TTC28: variants seen among roughly 807,000 people sequenced by gnomAD.
TTC28 encodes the protein tetratricopeptide repeat protein 28.
Under a neutral mutation model 198.0 loss-of-function variants are expected in TTC28, and 61 were observed. The ratio of observed to expected loss-of-function variants is 0.31; its 90% confidence interval spans 0.25 to 0.38. The LOEUF (loss-of-function observed/expected upper bound fraction) is 0.38, where lower values mean the gene tolerates loss of function less well. TTC28 is among the 10% of genes least tolerant of loss of function. The pLI is 1.00. For synonymous variants in TTC28, 1,171 were observed against 1,297.8 expected (o/e 0.90, Z 2.10); for missense variants, 2,678 against 3,164.0 (o/e 0.85, Z 3.69).
intron 2 of TTC28, among the ~76,000 whole-genome samples, chr22:28,472,552 ATGTGTGTGTGTGTGTG>A (rs3053555): frequency 2.6e-5 from 3 of 114,724 alleles, no homozygotes; most frequent in South Asian, 3.0e-4. Context: ...GAAAATGTGT[ATGTGTGTGTGTGTGTG>A]TGTGTGTGTG....
At chr22:28,634,938 C>A (rs1245035436) in intron 1 of TTC28, among the ~76,000 whole-genome samples, 3 of 152,102 alleles carry the variant, frequency 2.0e-5, no homozygotes, top group African/African-American at 7.2e-5. Flanking sequence ...AGAAAAAAGA[C>A]CTTTGCATGT....
chr22:28,629,302 C>G (rs2051130626), intron 2 of TTC28: 2 of 450,096 alleles, frequency 4.4e-6, no homozygotes, highest in African/African-American at 2.0e-5. Flanking sequence ...TCAAGCGGCA[C>G]AGATAAAAAA....
intron 2 of TTC28, among the ~76,000 whole-genome samples, chr22:28,344,894 C>A (rs2045882602): frequency 6.6e-6 from 1 of 152,136 alleles, no homozygotes; most frequent in Non-Finnish European, 1.5e-5. Flanking sequence ...ACATATCAGA[C>A]ATTTTACATA....
intron 2 of TTC28, among the ~76,000 whole-genome samples, chr22:28,611,505 A>AT (rs59329098): frequency 3.5e-3 from 282 of 81,580 alleles, no homozygotes; most frequent in Non-Finnish European, 4.6e-3. Flanking sequence ...CTTTTTTTTA[A>AT]TTTTTTTTTT....
At chr22:28,361,623 T>C (rs1485535320) in intron 2 of TTC28, among the ~76,000 whole-genome samples, 1 of 152,112 alleles carries the variant, frequency 6.6e-6, no homozygotes, top group Non-Finnish European at 1.5e-5. Context: ...ATCCAGAAGA[T>C]CTAGTTAAGA....
intron 2 of TTC28, among the ~76,000 whole-genome samples, chr22:28,585,978 A>AG (rs2050310124): frequency 7.0e-6 from 1 of 142,686 alleles, no homozygotes; most frequent in Non-Finnish European, 1.5e-5. Flanking sequence ...AGGTACAATT[A>AG]AAAAAAAAAA....
At chr22:28,079,026 G>A (rs1459043176) in intron 12 of TTC28, among the ~76,000 whole-genome samples, 1 of 152,178 alleles carries the variant, frequency 6.6e-6, no homozygotes, top group African/African-American at 2.4e-5. Context: ...TGCTGTTGAA[G>A]GGTGGGCAGA....
At chr22:28,617,283 T>G (rs1307717749) in intron 2 of TTC28, among the ~76,000 whole-genome samples, 2 of 151,544 alleles carry the variant, frequency 1.3e-5, no homozygotes, top group Non-Finnish European at 2.9e-5. Flanking sequence ...GGAGGATCAC[T>G]TGAGCCCCAG....
chr22:27,992,007 C>A (rs972501996), intron 19 of TTC28, among the ~76,000 whole-genome samples: 1 of 151,558 alleles, frequency 6.6e-6, no homozygotes, highest in African/African-American at 2.5e-5. Context: ...TGCAGCCATC[C>A]TGGTGGGCTG....
intron 6 of TTC28, among the ~76,000 whole-genome samples, chr22:28,156,713 G>A (rs1943756205): frequency 6.6e-6 from 1 of 152,198 alleles, no homozygotes; most frequent in African/African-American, 2.4e-5. Context: ...GCTCAGGCAG[G>A]AAAGAAGTCA....
At chr22:28,274,066 T>A (rs181820231) in intron 5 of TTC28, among the ~76,000 whole-genome samples, 1 of 152,192 alleles carries the variant, frequency 6.6e-6, no homozygotes, top group Non-Finnish European at 1.5e-5. Context: ...ATATACTATA[T>A]GAAACCATTT....
At chr22:28,567,216 G>C (rs1004392454) in intron 2 of TTC28, among the ~76,000 whole-genome samples, 2 of 127,954 alleles carry the variant, frequency 1.6e-5, no homozygotes, top group East Asian at 2.2e-4. Flanking sequence ...ACTCCATCTC[G>C]GAAAAAAAAA....
At chr22:28,173,708 C>T (rs980655273) in intron 5 of TTC28, among the ~76,000 whole-genome samples, 1 of 152,152 alleles carries the variant, frequency 6.6e-6, no homozygotes, top group African/African-American at 2.4e-5. Context: ...GTTCATATTT[C>T]TTCAAACCAC....
intron 2 of TTC28, among the ~76,000 whole-genome samples, chr22:28,448,660 C>T (rs1456782876): frequency 1.1e-4 from 16 of 152,112 alleles, no homozygotes; most frequent in Admixed American, 1.0e-3. Context: ...GTTGGGTAAT[C>T]CGAGAATCTC....
intron 3 of TTC28, among the ~76,000 whole-genome samples, chr22:28,304,513 A>T (rs1475329268): frequency 6.6e-6 from 1 of 152,174 alleles, no homozygotes; most frequent in Non-Finnish European, 1.5e-5. Context: ...AGAGAAGAAG[A>T]TATTGAAGCA....
At chr22:28,099,285 A>G (rs187687602) in intron 9 of TTC28, among the ~76,000 whole-genome samples, 46 of 152,284 alleles carry the variant, frequency 3.0e-4, no homozygotes, top group Non-Finnish European at 5.7e-4. Context: ...TCACAACTCC[A>G]CTCATCATGT....
Position 27,996,278 on chromosome 22 carries a change from G to A in TTC28, c.5120-19C>T. The A allele has an allele frequency of 1.9e-6, 3 of 1,548,970 alleles. No individual in the cohort carries two copies. The highest frequency in any genetic ancestry group is 2.6e-6 in the Non-Finnish European group (3 of 1,146,232). On this transcript the variant is annotated intron_variant, in intron 16 of 22. Transcript: ENST00000397906. ...ATGAACCCTGCAGAAAGCAAAGGAG[G>A]GCACCTCAGCAGGGCAGCTGGAGAC...
At chr22:28,153,272 C>A (rs1943651878) in intron 6 of TTC28, among the ~76,000 whole-genome samples, 1 of 151,412 alleles carries the variant, frequency 6.6e-6, no homozygotes, top group Non-Finnish European at 1.5e-5. Flanking sequence ...CAATTGCTAC[C>A]AAACTTTTAC....
rs1409625873 is a variant in TTC28, at chr22:28,371,598, A to ATTT, written c.382-64958_382-64956dup. Among the ~76,000 whole-genome samples, 15 of 27,762 alleles carry ATTT rather than the reference A, an allele frequency of 5.4e-4. 4 individuals are homozygous for ATTT. In the South Asian group the frequency reaches 0.012, roughly 21 times the overall value. The allele number at this position is 27,762 out of a possible 152,430, so 18.2% of individuals were successfully genotyped here. On this transcript the variant is annotated intron_variant, in intron 2 of 22. Coordinates refer to ENST00000397906, the MANE Select transcript of TTC28 (RefSeq NM_001145418.2). ...ATCTTAACCAAAAAAAAAAAAAAAA[A>ATTT]TTTTTTTTTTTTTTGAGACAGAGTC...
Sources: gnomAD v4.1 joint callset for allele counts (sites outside exome capture counted in the v4.1 genomes callset) on GRCh38, gnomAD v4.1.1 for gene constraint, MANE v1.5 for transcripts, NCBI Gene and HGNC (gene_info 2026-07-23, HGNC 2026-07-21) for gene names.